The following SIK3 variants were observed in gnomAD, a reference collection of about 807,000 sequenced individuals.
SIK3 encodes the protein SIK family kinase 3.
A neutral mutation model predicts 144.2 loss-of-function variants in SIK3; 28 were observed. The ratio of observed to expected loss-of-function variants is 0.19; its 90% CI spans 0.14 to 0.27. The LOEUF (loss-of-function observed/expected upper bound fraction) is 0.27, where lower values mean the gene tolerates loss of function less well. Ranked by LOEUF, SIK3 falls within the 10% of genes least tolerant of loss-of-function variation. The pLI, the probability that SIK3 is intolerant of heterozygous loss-of-function variation, is 1.00. For synonymous variants in SIK3, 686 were observed against 676.3 expected, an observed-to-expected ratio of 1.01 and a Z score of -0.22; for missense variants, 1,319 against 1,776.0, an observed-to-expected ratio of 0.74 and a Z score of 4.62.
intron 6 of SIK3, among the ~76,000 whole-genome samples, chr11:116,889,371 C>A: frequency 6.6e-6 from 1 of 152,202 alleles, no homozygotes; most frequent in East Asian, 1.9e-4. Flanking sequence ...CAAGACCAGA[C>A]TGGGCAATGT....
intron 14 of SIK3, chr11:116,870,064 A>T (rs1435571541): frequency 1.4e-6 from 2 of 1,396,980 alleles, no homozygotes; most frequent in Non-Finnish European, 1.9e-6. Context: ...AAGGCAGGGG[A>T]CAAGGAAGAA....
At chr11:116,878,400 A>G (rs945543332) in intron 6 of SIK3, among the ~76,000 whole-genome samples, 2 of 140,018 alleles carry the variant, frequency 1.4e-5, no homozygotes, top group Non-Finnish European at 3.0e-5. Flanking sequence ...TTTTTTTTAC[A>G]TAGAGTCTCG....
Position 117,098,136 on chromosome 11 carries a change from C to A in SIK3, c.273+7G>T. On this transcript the variant is annotated splice_region_variant and intron_variant, in intron 1 of 24. Coordinates refer to ENST00000445177, the MANE Select transcript of SIK3 (RefSeq NM_001366686.3). ...CTCCGACTGCCGCCTGGCCCCTGCG[C>A]CGGTACCTTGGCCTTGGTGACGAGG... 1 of 1,483,324 alleles carries A rather than the reference C, an allele frequency of 6.7e-7. No homozygotes were observed. The highest frequency in any genetic ancestry group is 9.0e-7 in the Non-Finnish European group (1 of 1,114,866). 91.9% of individuals were successfully genotyped at this position (1,483,324 alleles called of 1,614,324 possible). A position where few individuals can be genotyped will look rare whatever the true frequency, so the allele number is the denominator to read the frequency against.
At position 117,019,014 on chromosome 11, in the gene SIK3, A is replaced by G. The variant is rs142845926; in HGVS notation, c.274-61950T>C. ...GGGTGAGCCACTGCACCTGGCTTTT[A>G]TTGTAACTTTTTTTTTTCCCTTAGA... On this transcript the variant is annotated intron_variant, in intron 1 of 24. Transcript: ENST00000445177. Among the ~76,000 whole-genome samples, 1,004 of 150,334 alleles carry G rather than the reference A, an allele frequency of 6.7e-3. 3 individuals carry two copies. Among genetic ancestry groups the G allele is most frequent in the Non-Finnish European group, 0.011 (730 of 67,664 alleles).
At chr11:117,003,274 C>T (rs1280889628) in intron 1 of SIK3, among the ~76,000 whole-genome samples, 1 of 152,220 alleles carries the variant, frequency 6.6e-6, no homozygotes, top group Non-Finnish European at 1.5e-5. Context: ...CCAACTCTCA[C>T]ATACTTCTGT....
At chr11:116,931,114 T>C (rs2135167056) in intron 3 of SIK3, among the ~76,000 whole-genome samples, 1 of 152,302 alleles carries the variant, frequency 6.6e-6, no homozygotes, top group East Asian at 1.9e-4. Flanking sequence ...TCTTTAATCT[T>C]TTTGGTCTGC....
In SIK3 at chr11:116,843,694, C is replaced by A. The variant is rs908641330; in HGVS notation, c.*1949G>T. On this transcript the variant is annotated 3_prime_UTR_variant, in exon 25 of 25. Coordinates refer to ENST00000445177, the MANE Select transcript of SIK3 (RefSeq NM_001366686.3). ...TACCATGTAAACACATCAGGCTGAGCGCGTGGTGGTGGTAGGGCAGGTTGG... is the reference window on the plus strand; with the variant it reads ...TACCATGTAAACACATCAGGCTGAGAGCGTGGTGGTGGTAGGGCAGGTTGG... 1.3e-5 allele frequency: 2 copies of A among 152,108 alleles called. No individual in the cohort carries two copies. The highest frequency in any genetic ancestry group is 2.9e-5 in the Non-Finnish European group (2 of 68,032). 9.4% of individuals were successfully genotyped at this position (152,108 alleles called of 1,614,324 possible).
intron 3 of SIK3, among the ~76,000 whole-genome samples, chr11:116,927,659 G>T (rs1947349845): frequency 6.6e-6 from 1 of 152,120 alleles, no homozygotes; most frequent in Non-Finnish European, 1.5e-5. Context: ...TTTTTCAAGG[G>T]TCATAGAACT....
At chr11:117,059,507 T>A (rs1258948808) in intron 1 of SIK3, among the ~76,000 whole-genome samples, 1 of 152,204 alleles carries the variant, frequency 6.6e-6, no homozygotes, top group African/African-American at 2.4e-5. Flanking sequence ...CTTAACTTGA[T>A]GATTATTTGT....
intron 1 of SIK3, among the ~76,000 whole-genome samples, chr11:117,077,283 T>C (rs187423221): frequency 1.3e-5 from 2 of 152,366 alleles, no homozygotes; most frequent in Non-Finnish European, 2.9e-5. Flanking sequence ...ACCTAGCCTA[T>C]GAAGCAGCAC....
At chr11:117,009,365 G>C (rs1951168740) in intron 1 of SIK3, among the ~76,000 whole-genome samples, 3 of 151,818 alleles carry the variant, frequency 2.0e-5, no homozygotes, top group Admixed American at 6.6e-5. Context: ...GGGCAACAAA[G>C]CAAGACCCTG....
At chr11:116,893,663 C>T (rs1039074640) in intron 6 of SIK3, among the ~76,000 whole-genome samples, 12 of 151,726 alleles carry the variant, frequency 7.9e-5, no homozygotes, top group Non-Finnish European at 1.2e-4. Flanking sequence ...AGAGCAAGAC[C>T]CAGTCCCAAA....
chr11:116,879,605 T>C, intron 6 of SIK3, among the ~76,000 whole-genome samples: 1 of 152,244 alleles, frequency 6.6e-6, no homozygotes, highest in East Asian at 1.9e-4. Flanking sequence ...GTGAAAAGAA[T>C]ACTACAAGTA....
chr11:116,935,450 T>G (rs896840382), intron 3 of SIK3, among the ~76,000 whole-genome samples: 1 of 152,178 alleles, frequency 6.6e-6, no homozygotes, highest in Non-Finnish European at 1.5e-5. Flanking sequence ...ATAAAAAACA[T>G]GCCATCCTTT....
At chr11:116,997,865 T>G (rs1057227189) in intron 1 of SIK3, among the ~76,000 whole-genome samples, 1 of 152,194 alleles carries the variant, frequency 6.6e-6, no homozygotes, top group Non-Finnish European at 1.5e-5. Context: ...AATTCCATTT[T>G]ATTTTATTCT....
rs772270567 is a variant in SIK3 at position 117,098,115 on chromosome 11, G to A, written c.273+28C>T. ...ACCTCTCCCGGCCCCGCCACGCTCC[G>A]ACTGCCGCCTGGCCCCTGCGCCGGT... On this transcript the variant is annotated intron_variant, in intron 1 of 24. Transcript: ENST00000445177. 82 of 1,425,780 alleles carry A rather than the reference G, an allele frequency of 5.8e-5. No homozygotes were observed. The Middle Eastern group carries it at 1.9e-3, about 33-fold the overall frequency. The allele number at this position is 1,425,780 out of a possible 1,614,324, so 88.3% of individuals were successfully genotyped here.
At chr11:116,915,732 C>T (rs1415242557) in intron 4 of SIK3, among the ~76,000 whole-genome samples, 2 of 152,122 alleles carry the variant, frequency 1.3e-5, no homozygotes, top group Admixed American at 6.5e-5. Context: ...AAAGACAAAT[C>T]ATGAATTTGG....
rs1941685531 is a variant in SIK3, at chr11:116,843,421, GA to G, written c.*2221del. 6.6e-6 allele frequency: 1 copy of G among 151,602 alleles called. No individual in the cohort carries two copies. Among genetic ancestry groups the G allele is most frequent in the Non-Finnish European group, 1.5e-5 (1 of 68,004 alleles). 9.4% of individuals were successfully genotyped at this position (151,602 alleles called of 1,614,324 possible). On this transcript the variant is annotated 3_prime_UTR_variant, in exon 25 of 25. Coordinates refer to ENST00000445177, the MANE Select transcript of SIK3 (RefSeq NM_001366686.3). Reference sequence around the variant, plus strand: ...AAGGTCTTAGCAACTTGAGTCTGGAGATTTTTTTTTTAATCCTTTTTAGTTC... The same window carrying G: ...AAGGTCTTAGCAACTTGAGTCTGGAGTTTTTTTTTTAATCCTTTTTAGTTC...
intron 14 of SIK3, 191 bp downstream of exon 14, chr11:116,870,140 C>T (rs1303103153): frequency 6.5e-7 from 1 of 1,529,618 alleles, no homozygotes; most frequent in Admixed American, 2.0e-5. Context: ...ATGGTGCTTA[C>T]AGAAATGACA....
Sources: allele counts gnomAD v4.1 joint callset (sites outside exome capture counted in the v4.1 genomes callset), GRCh38; gene constraint gnomAD v4.1.1; transcripts MANE v1.5; gene names NCBI Gene and HGNC (gene_info 2026-07-23, HGNC 2026-07-21).